UNC13C: variants seen among roughly 807,000 people sequenced by gnomAD.
The protein encoded by UNC13C is unc-13 homolog C.
Under a neutral mutation model 245.4 loss-of-function variants are expected in UNC13C, and 174 were observed. That is an observed-to-expected ratio of 0.71 (90% CI 0.63 to 0.80). The LOEUF is 0.80. Among genes scored for constraint, UNC13C ranks in the 30% least tolerant of loss-of-function variants. The pLI is 0.00. For missense variants in UNC13C, 2,829 were observed against 2,602.9 expected (o/e 1.09, Z -1.89); for synonymous variants, 992 against 895.1 (o/e 1.11, Z -1.93).
chr15:54,607,866 C>A (rs904637606), intron 30 of UNC13C, among the ~76,000 whole-genome samples: 2 of 152,170 alleles, frequency 1.3e-5, no homozygotes, highest in Non-Finnish European at 2.9e-5. Context: ...CACCCGTTCC[C>A]TCCCCCAACA....
chr15:53,875,097 T>TA, the UNC13C span, among the ~76,000 whole-genome samples: 207 of 138,098 alleles, frequency 1.5e-3, no homozygotes, highest in African/African-American at 4.6e-3. Context: ...GTCTCAAAAT[T>TA]AAAAAAAAAA....
the UNC13C span, among the ~76,000 whole-genome samples, chr15:53,849,533 A>T: frequency 6.6e-6 from 1 of 152,174 alleles, no homozygotes; most frequent in South Asian, 2.1e-4. Flanking sequence ...TTCATAGGTT[A>T]TAAACTCCAG....
rs183307170 is a variant in UNC13C at position 54,627,535 on chromosome 15, C to T, written c.*422C>T. The T allele has an allele frequency of 1.9e-5, 3 of 154,326 alleles. No individual in the cohort carries two copies. The highest frequency in any genetic ancestry group is 2.9e-5 in the Non-Finnish European group (2 of 69,188). 9.6% of individuals were successfully genotyped at this position (154,326 alleles called of 1,614,324 possible). ...TCATTATAGATGTCTTACAAATACC[C>T]TTTTCTACCATAACTAGAAATGCAG... On this transcript the variant is annotated 3_prime_UTR_variant, in exon 33 of 33. Transcript: ENST00000260323.
chr15:54,386,516 A>C (rs965992437), intron 17 of UNC13C, among the ~76,000 whole-genome samples: 1 of 152,156 alleles, frequency 6.6e-6, no homozygotes, highest in Admixed American at 6.5e-5. Flanking sequence ...TTTAGGGAGT[A>C]TATTTGGCTT....
At chr15:54,335,069 TG>T (rs1232318734) in intron 16 of UNC13C, among the ~76,000 whole-genome samples, 2 of 152,214 alleles carry the variant, frequency 1.3e-5, no homozygotes, top group Admixed American at 1.3e-4. Context: ...CTTCCTTGTA[TG>T]TGTCCATATA....
intron 2 of UNC13C, among the ~76,000 whole-genome samples, chr15:54,071,668 CAAAA>C (rs1055172229): frequency 4.4e-5 from 5 of 112,482 alleles, no homozygotes; most frequent in African/African-American, 1.6e-4. Flanking sequence ...TTGAAAAAAA[CAAAA>C]AGAACACTAT....
chr15:54,178,829 C>G (rs971335084), intron 4 of UNC13C, among the ~76,000 whole-genome samples: 1 of 152,082 alleles, frequency 6.6e-6, no homozygotes, highest in Non-Finnish European at 1.5e-5. Context: ...CTGACCTGTT[C>G]CCATACCTTC....
the UNC13C span, among the ~76,000 whole-genome samples, chr15:53,948,981 A>G: frequency 1.3e-5 from 2 of 152,202 alleles, no homozygotes; most frequent in East Asian, 1.9e-4. Flanking sequence ...TTAATCTGTT[A>G]TAACTATTTA....
intron 29 of UNC13C, among the ~76,000 whole-genome samples, chr15:54,566,826 G>T (rs576573490): frequency 8.5e-5 from 13 of 152,092 alleles, no homozygotes; most frequent in Non-Finnish European, 1.3e-4. Flanking sequence ...CCATTTAGGA[G>T]AGCGTCTCTG....
chr15:53,864,249 T>C, the UNC13C span, among the ~76,000 whole-genome samples: 1 of 152,198 alleles, frequency 6.6e-6, no homozygotes, highest in Non-Finnish European at 1.5e-5. Context: ...AATATGTCCA[T>C]AAGCAATATT....
intron 19 of UNC13C, among the ~76,000 whole-genome samples, chr15:54,458,744 C>T (rs1891674694): frequency 7.8e-6 from 1 of 127,496 alleles, no homozygotes; most frequent in African/African-American, 3.0e-5. Flanking sequence ...ATTCCATTTC[C>T]ATGGAATATC....
Position 54,376,024 on chromosome 15 carries a change from T to C in UNC13C, c.4714-17024T>C, listed in dbSNP as rs546606806. Among the ~76,000 whole-genome samples the C allele has an allele frequency of 9.2e-5, 14 of 152,310 alleles. No individual in the cohort carries two copies. The South Asian group carries it at 2.9e-3, about 32-fold the overall frequency. Reference sequence around the variant, plus strand: ...CATCTGACTATTACCTTTTCTTGAGTATTTTTTATTAGAGTCAGAGACTGT... The same window carrying C: ...CATCTGACTATTACCTTTTCTTGAGCATTTTTTATTAGAGTCAGAGACTGT... On this transcript the variant is annotated intron_variant, in intron 17 of 32. Transcript: ENST00000260323.
the UNC13C span, among the ~76,000 whole-genome samples, chr15:53,955,266 T>TACACACACACAC: frequency 2.9e-4 from 43 of 149,688 alleles, no homozygotes; most frequent in East Asian, 2.8e-3. Context: ...GACTTTTTCT[T>TACACACACACAC]ACACACACAC....
chr15:53,879,097 T>A, the UNC13C span, among the ~76,000 whole-genome samples: 4 of 152,178 alleles, frequency 2.6e-5, no homozygotes, highest in Non-Finnish European at 5.9e-5. Context: ...AAAAATTACT[T>A]TTTTTAGCAA....
chr15:53,869,922 T>G, the UNC13C span, among the ~76,000 whole-genome samples: 1 of 152,216 alleles, frequency 6.6e-6, no homozygotes, highest in South Asian at 2.1e-4. Flanking sequence ...CTCCTCTGCA[T>G]TCCTTTGTAC....
chr15:54,387,213 A>G lies in UNC13C; in HGVS notation c.4714-5835A>G, dbSNP rs2039857616. ...CAGGAAAATGCCTGCTCCGTGACAA[A>G]GCAGGGCTACCCCATAGGCAGAGTA... On this transcript the variant is annotated intron_variant, in intron 17 of 32. Transcript: ENST00000260323. 2.0e-5 allele frequency among the ~76,000 whole-genome samples: 3 copies of G among 152,198 alleles called. No homozygotes were observed. In the South Asian group the frequency reaches 6.2e-4, roughly 31 times the overall value.
Position 54,467,520 on chromosome 15 carries a change from A to G in UNC13C, c.4934-27088A>G, listed in dbSNP as rs144368252. On this transcript the variant is annotated intron_variant, in intron 19 of 32. Transcript: ENST00000260323. ...CTCCCTTAGCTATTTTGAAATACACAATAAATTATTATTTACTGTAGTCAC... is the reference window on the plus strand; with the variant it reads ...CTCCCTTAGCTATTTTGAAATACACGATAAATTATTATTTACTGTAGTCAC... Among the ~76,000 whole-genome samples the G allele has an allele frequency of 3.1e-3, 474 of 151,780 alleles. 2 individuals are homozygous for G. The highest frequency in any genetic ancestry group is 0.011 in the African/African-American group (461 of 41,510).
At chr15:54,465,319 A>C (rs922690194) in intron 19 of UNC13C, among the ~76,000 whole-genome samples, 1 of 152,090 alleles carries the variant, frequency 6.6e-6, no homozygotes, top group Non-Finnish European at 1.5e-5. Flanking sequence ...TAGTTCATTT[A>C]GCCAATCCTT....
At chr15:54,247,538 A>C (rs961717850) in intron 7 of UNC13C, among the ~76,000 whole-genome samples, 1 of 152,264 alleles carries the variant, frequency 6.6e-6, no homozygotes, top group Middle Eastern at 3.4e-3. Context: ...ATTTCAGAGT[A>C]ATTTTCAGCT....
Sources: gnomAD v4.1 joint callset for allele counts (sites outside exome capture counted in the v4.1 genomes callset) on GRCh38, gnomAD v4.1.1 for gene constraint, MANE v1.5 for transcripts, NCBI Gene and HGNC (gene_info 2026-07-23, HGNC 2026-07-21) for gene names.